L1TD1: variants seen among roughly 807,000 people sequenced by gnomAD.
L1TD1 encodes LINE-1 type transposase domain-containing protein 1.
Under a neutral mutation model 25.7 loss-of-function variants are expected in L1TD1, and 26 were observed. That is an observed-to-expected ratio of 1.01 (90% confidence interval 0.74 to 1.40). The LOEUF is 1.40. Among genes scored for constraint, L1TD1 ranks in the 40% most tolerant of loss-of-function variants. The probability of loss-of-function intolerance (pLI) is 0.00; values close to 1 mark genes in which losing one functional copy is unlikely to be tolerated. For synonymous variants in L1TD1, 421 were observed against 335.6 expected, an observed-to-expected ratio of 1.25 and a Z score of -2.78; for missense variants, 1,130 against 975.0, an observed-to-expected ratio of 1.16 and a Z score of -2.12.
At chr1:62,202,038 C>T (rs572885477) in intron 2 of L1TD1, among the ~76,000 whole-genome samples, 34 of 152,236 alleles carry the variant, frequency 2.2e-4, no homozygotes, top group East Asian at 7.7e-4. Flanking sequence ...AGGTGGCTCA[C>T]GCCTGTAATC....
At position 62,206,850 on chromosome 1, in the gene L1TD1, A is replaced by C. The variant is rs1670755660; in HGVS notation, c.222A>C (p.Lys74Asn). ...TTGAGGAGATGAGGGAAACTCTTAAAAATGACCTAAAAGCAGTTTTAGGGG... is the reference window on the plus strand; with the variant it reads ...TTGAGGAGATGAGGGAAACTCTTAACAATGACCTAAAAGCAGTTTTAGGGG... ...LMFEEMRETL[K>N]NDLKAVLGGK... The change falls in exon 3 of 4, where the codon AAA (lysine) becomes AAC (asparagine). Residue 74 changes from lysine (K) to asparagine (N), a missense_variant. Transcript: ENST00000498273. 1.9e-6 allele frequency: 3 copies of C among 1,612,500 alleles called. No homozygotes were observed. Among genetic ancestry groups the C allele is most frequent in the Non-Finnish European group, 2.5e-6 (3 of 1,179,348 alleles).
At chr1:62,202,287 T>C (rs529548356) in intron 2 of L1TD1, among the ~76,000 whole-genome samples, 3 of 149,240 alleles carry the variant, frequency 2.0e-5, no homozygotes, top group Non-Finnish European at 4.5e-5. Context: ...ACAACAAGAG[T>C]GAAACTTCAT....
At chr1:62,200,302 G>T (rs1197196631) in intron 2 of L1TD1, among the ~76,000 whole-genome samples, 1 of 151,958 alleles carries the variant, frequency 6.6e-6, no homozygotes, top group Non-Finnish European at 1.5e-5. Context: ...TCAACCTCCC[G>T]AGTAGCTGGT....
rs1297750882 is a variant in L1TD1, at chr1:62,205,439, A to ATTTTTTTTTTTTTT, written c.-110-1079_-110-1078insTTTTTTTTTTTTTT. Among the ~76,000 whole-genome samples the ATTTTTTTTTTTTTT allele has an allele frequency of 8.8e-3, 385 of 43,900 alleles. 14 individuals carry two copies. Among genetic ancestry groups the ATTTTTTTTTTTTTT allele is most frequent in the South Asian group, 0.013 (16 of 1,204 alleles). The allele number at this position is 43,900 out of a possible 152,430, so 28.8% of individuals were successfully genotyped here. A position where few individuals can be genotyped will look rare whatever the true frequency, so the allele number is the denominator to read the frequency against. On this transcript the variant is annotated intron_variant, in intron 2 of 3. Coordinates refer to ENST00000498273, the MANE Select transcript of L1TD1 (RefSeq NM_019079.5). ...TCTCTATATATATATATATATATAT[A>ATTTTTTTTTTTTTT]TATATTTTTTTTTAGACAGTCTTGC... is the stretch of plus-strand genomic sequence containing the variant.
chr1:62,210,491 T>A lies in L1TD1; in HGVS notation c.1717T>A (p.Ser573Thr). 6.2e-7 allele frequency: 1 copy of A among 1,613,942 alleles called. No homozygotes were observed. Among genetic ancestry groups the A allele is most frequent in the Non-Finnish European group, 8.5e-7 (1 of 1,180,002 alleles). Residue 573 changes from serine (S) to threonine (T), a missense_variant, in exon 4 of 4, where the codon TCA becomes ACA. Physicochemically the swap from Ser to Thr is moderately conservative, Grantham distance 58. Coordinates refer to ENST00000498273, the MANE Select transcript of L1TD1 (RefSeq NM_019079.5). ...GAGTCATGATGAGCATAAAAAGCAT[T>A]CACATACAAATTTGAGTATTTCAAC... ...EMSHDEHKKH[S>T]HTNLSISTGV... is the part of the protein sequence containing the mutation.
chr1:62,210,346 G>GAC lies in L1TD1; in HGVS notation c.1573_1574insCA (p.Lys525ThrfsTer28), dbSNP rs1670839725. ...GGGACTCTGGGAAGAAAAAGTTGGT[G>GAC]AAACACCAGGTGGTGCACAAAACCC... On this transcript the variant is annotated frameshift_variant, in exon 4 of 4. Coordinates refer to ENST00000498273, the MANE Select transcript of L1TD1 (RefSeq NM_019079.5). LOFTEE classifies it low-confidence loss of function (END_TRUNC). 6.2e-7 allele frequency: 1 copy of GAC among 1,613,702 alleles called. No homozygotes were observed. Among genetic ancestry groups the GAC allele is most frequent in the Non-Finnish European group, 8.5e-7 (1 of 1,179,966 alleles).
At chr1:62,198,151 A>G (rs538087663) in intron 2 of L1TD1, among the ~76,000 whole-genome samples, 2 of 152,006 alleles carry the variant, frequency 1.3e-5, no homozygotes, top group African/African-American at 4.8e-5. Context: ...ATTCTCCTTT[A>G]TTGTCCTCCC....
intron 2 of L1TD1, among the ~76,000 whole-genome samples, chr1:62,200,480 A>G (rs1670620668): frequency 6.8e-6 from 1 of 147,452 alleles, no homozygotes; most frequent in Non-Finnish European, 1.5e-5. Flanking sequence ...CATAATGTAT[A>G]TTATAATGTA....
Position 62,196,431 on chromosome 1 carries a change from C to A in L1TD1, c.-204-4C>A, listed in dbSNP as rs972861300. 6.6e-6 allele frequency: 1 copy of A among 152,102 alleles called. No homozygotes were observed. The highest frequency in any genetic ancestry group is 6.6e-5 in the Admixed American group (1 of 15,256). 9.4% of individuals were successfully genotyped at this position (152,102 alleles called of 1,614,324 possible). ...TGGTGTTATGAACTTGACTTGAATT[C>A]TAGGCACCAAGGCACAGCTTAGAGT... is the stretch of plus-strand genomic sequence containing the variant. On this transcript the variant is annotated splice_polypyrimidine_tract_variant and splice_region_variant and intron_variant, in intron 1 of 3. Transcript: ENST00000498273.
chr1:62,205,315 G>A (rs1040860958), intron 2 of L1TD1, among the ~76,000 whole-genome samples: 10 of 150,620 alleles, frequency 6.6e-5, no homozygotes, highest in Non-Finnish European at 1.2e-4. Context: ...TCCAGCCTGG[G>A]TGACAAGAAC....
Position 62,210,415 on chromosome 1 carries a change from C to G in L1TD1, c.1641C>G (p.Gly547=). The change falls in exon 4 of 4, where the codon GGC becomes GGG. Residue 547 remains glycine (G), a synonymous_variant. Coordinates refer to ENST00000498273, the MANE Select transcript of L1TD1 (RefSeq NM_019079.5). ...ETAVPTSQGT[G]TPCLTLCLAS... is the part of the protein sequence containing the mutation. ...CTGTGCCCACAAGTCAAGGAACTGG[C>G]ACACCCTGTCTGACCTTATGTTTGG... is the stretch of plus-strand genomic sequence containing the variant. 3 of 1,614,106 alleles carry G rather than the reference C, an allele frequency of 1.9e-6. No individual in the cohort carries two copies. Among genetic ancestry groups the G allele is most frequent in the Non-Finnish European group, 2.5e-6 (3 of 1,180,030 alleles).
At chr1:62,199,234 A>G (rs936090675) in intron 2 of L1TD1, among the ~76,000 whole-genome samples, 1 of 152,206 alleles carries the variant, frequency 6.6e-6, no homozygotes, top group Admixed American at 6.5e-5. Context: ...GCAGTGGCTC[A>G]TGTTTGTAAT....
rs1375125238 is a variant in L1TD1, at chr1:62,206,729, A to C, written c.101A>C (p.Asp34Ala). The C allele has an allele frequency of 6.4e-6, 10 of 1,551,628 alleles. No homozygotes were observed. In the East Asian group the frequency reaches 2.4e-4, roughly 38 times the overall value. The change falls in exon 3 of 4, where the codon GAT (aspartate) becomes GCT (alanine). Residue 34 changes from aspartate (D) to alanine (A), a missense_variant. By Grantham distance (126) the Asp-to-Ala change is moderately radical (BLOSUM62 -2). Transcript: ENST00000498273. ...AAAAGAGAGCAGTTAACAGAAACTG[A>C]TAAGGACATAGCTCCGGTATTAGAT... is the stretch of plus-strand genomic sequence containing the variant. ...YMKREQLTET[D>A]KDIAPVLDLK...
rs116349428 is a variant in L1TD1 at position 62,211,558 on chromosome 1, G to A, written c.*186G>A. ...TAAAGGGTATGTTTAAAAAAAATAG[G>A]CTGGTCTCAATGTAGTGAGTTATTT... On this transcript the variant is annotated 3_prime_UTR_variant, in exon 4 of 4. Transcript: ENST00000498273. 9.2e-6 allele frequency: 9 copies of A among 974,444 alleles called. No homozygotes were observed. Among genetic ancestry groups the A allele is most frequent in the Middle Eastern group, 7.0e-4 (2 of 2,848 alleles). 60.4% of individuals were successfully genotyped at this position (974,444 alleles called of 1,614,324 possible). A position where few individuals can be genotyped will look rare whatever the true frequency, so the allele number is the denominator to read the frequency against.
At chr1:62,208,792 G>T (rs973646488) in intron 3 of L1TD1, among the ~76,000 whole-genome samples, 3 of 152,054 alleles carry the variant, frequency 2.0e-5, no homozygotes, top group Admixed American at 6.5e-5. Context: ...GTCTATATTC[G>T]TAAGCCAATA....
In L1TD1 at chr1:62,206,874, G is replaced by A. The variant is rs2457829; in HGVS notation, c.246G>A (p.Gly82=). The change falls in exon 3 of 4, where the codon GGG becomes GGA. Residue 82 remains glycine, a synonymous_variant. Transcript: ENST00000498273. ...AAAATGACCTAAAAGCAGTTTTAGG[G>A]GGAAAAGCTACAATACCTGAGGTAA... ...TLKNDLKAVL[G]GKATIPEVKN... 0.85 allele frequency: 1,365,238 copies of A among 1,613,224 alleles called. 578,994 individuals are homozygous for A. Among genetic ancestry groups the A allele is most frequent in the African/African-American group, 0.97 (72,934 of 74,966 alleles).
chr1:62,207,775 C>G, intron 3 of L1TD1, 139 bp downstream of exon 3: 1 of 1,067,770 alleles, frequency 9.4e-7, no homozygotes, highest in Non-Finnish European at 1.3e-6. Context: ...TGCAGTGGCA[C>G]GATCTCGGCT....
Position 62,211,598 on chromosome 1 carries a change from C to A in L1TD1, c.*226C>A. 1 of 549,620 alleles carries A rather than the reference C, an allele frequency of 1.8e-6. No individual in the cohort carries two copies. The highest frequency in any genetic ancestry group is 2.8e-6 in the Non-Finnish European group (1 of 357,570). The allele number at this position is 549,620 out of a possible 1,614,324, so 34.0% of individuals were successfully genotyped here. ...GTGAGTTATTTCAGTTGATCACAGT[C>A]AGTTACAGATAGAATTCCTTGTTTT... On this transcript the variant is annotated 3_prime_UTR_variant, in exon 4 of 4. Transcript: ENST00000498273.
Position 62,211,596 on chromosome 1 carries a change from G to A in L1TD1, c.*224G>A. On this transcript the variant is annotated 3_prime_UTR_variant, in exon 4 of 4. Coordinates refer to ENST00000498273, the MANE Select transcript of L1TD1 (RefSeq NM_019079.5). ...TAGTGAGTTATTTCAGTTGATCACAGTCAGTTACAGATAGAATTCCTTGTT... is the reference window on the plus strand; with the variant it reads ...TAGTGAGTTATTTCAGTTGATCACAATCAGTTACAGATAGAATTCCTTGTT... The A allele has an allele frequency of 1.8e-6, 1 of 554,400 alleles. No homozygotes were observed. Among genetic ancestry groups the A allele is most frequent in the African/African-American group, 1.9e-5 (1 of 52,338 alleles). The allele number at this position is 554,400 out of a possible 1,614,324, so 34.3% of individuals were successfully genotyped here.
Sources: allele counts gnomAD v4.1 joint callset (sites outside exome capture counted in the v4.1 genomes callset), GRCh38; gene constraint gnomAD v4.1.1; transcripts MANE v1.5; gene names NCBI Gene and HGNC (gene_info 2026-07-23, HGNC 2026-07-21).